Variants in TAFA2 observed in about 807,000 individuals in gnomAD.
The protein encoded by TAFA2 is chemokine-like protein TAFA-2.
TAFA2 carries 7 observed loss-of-function variants against 18.8 expected under a neutral mutation model. The observed-to-expected ratio is 0.37, with a 90% CI of 0.21 to 0.70. The LOEUF (loss-of-function observed/expected upper bound fraction) is 0.70, where lower values mean the gene tolerates loss of function less well. Ranked by LOEUF, TAFA2 falls within the 30% of genes least tolerant of loss-of-function variation. The pLI is 0.53. For missense variants in TAFA2, 122 were observed against 158.1 expected (o/e 0.77, Z 1.23); for synonymous variants, 60 against 54.2 (o/e 1.11, Z -0.47).
chr12:61,901,547 A>T (rs1876101275), intron 1 of TAFA2, among the ~76,000 whole-genome samples: 1 of 152,134 alleles, frequency 6.6e-6, no homozygotes, highest in South Asian at 2.1e-4. Context: ...AATATATGGT[A>T]CTTCTATAAC....
At chr12:62,022,003 A>G (rs1881157588) in intron 1 of TAFA2, 1 of 665,858 alleles carries the variant, frequency 1.5e-6, no homozygotes, top group South Asian at 1.4e-5. Context: ...TGCCTGGGCA[A>G]TGGCACAGAC....
In TAFA2 at chr12:62,246,295, T is replaced by C. The variant is rs1592418520; in HGVS notation, c.-130+12468A>G. 2.0e-5 allele frequency among the ~76,000 whole-genome samples: 3 copies of C among 152,234 alleles called. No individual in the cohort carries two copies. In the East Asian group the frequency reaches 5.8e-4, roughly 29 times the overall value. On this transcript the variant is annotated intron_variant, in intron 1 of 5. Coordinates refer to the TAFA2 transcript ENST00000551619. ...GCCACCGTGCCCGGCCCACTTTTATTGTTATTCCTTTCTATATGCTATGTA... is the reference window on the plus strand; with the variant it reads ...GCCACCGTGCCCGGCCCACTTTTATCGTTATTCCTTTCTATATGCTATGTA...
At chr12:61,909,517 A>G (rs907664673) in intron 1 of TAFA2, among the ~76,000 whole-genome samples, 5 of 152,178 alleles carry the variant, frequency 3.3e-5, no homozygotes, top group South Asian at 2.1e-4. Flanking sequence ...AGAGATGCCA[A>G]TATTTAAGGA....
chr12:62,219,054 T>C (rs2062749544), intron 1 of TAFA2, among the ~76,000 whole-genome samples: 1 of 152,056 alleles, frequency 6.6e-6, no homozygotes, highest in South Asian at 2.1e-4. Context: ...ATGAATAACA[T>C]ACCAGGGAGA....
At chr12:61,998,593 G>C (rs1021608187) in intron 1 of TAFA2, among the ~76,000 whole-genome samples, 9 of 152,090 alleles carry the variant, frequency 5.9e-5, no homozygotes, top group African/African-American at 2.2e-4. Flanking sequence ...TTACAGATGG[G>C]GAAACTGAAG....
intron 1 of TAFA2, among the ~76,000 whole-genome samples, chr12:61,872,760 T>C (rs1874672816): frequency 2.0e-5 from 3 of 152,126 alleles, no homozygotes; most frequent in African/African-American, 7.2e-5. Flanking sequence ...ATGAAGGTTC[T>C]CCCACCTGTC....
chr12:61,892,666 G>A (rs1356445535), intron 1 of TAFA2, among the ~76,000 whole-genome samples: 2 of 152,028 alleles, frequency 1.3e-5, no homozygotes, highest in South Asian at 2.1e-4. Flanking sequence ...GAAAAACTCC[G>A]TCTCTACTAA....
intron 2 of TAFA2, among the ~76,000 whole-genome samples, chr12:61,822,524 A>G (rs1872361880): frequency 6.6e-6 from 1 of 152,162 alleles, no homozygotes; most frequent in East Asian, 1.9e-4. Context: ...CCAAACTAAG[A>G]AAACAGTAAG....
intron 2 of TAFA2, among the ~76,000 whole-genome samples, chr12:61,808,365 A>G (rs1252378885): frequency 6.6e-6 from 1 of 151,506 alleles, no homozygotes; most frequent in African/African-American, 2.5e-5. Flanking sequence ...TGTAAGTCCA[A>G]TAAACCTTTT....
At chr12:61,826,980 A>T (rs1228466505) in intron 2 of TAFA2, among the ~76,000 whole-genome samples, 1 of 152,094 alleles carries the variant, frequency 6.6e-6, no homozygotes, top group Non-Finnish European at 1.5e-5. Flanking sequence ...TCTACTATGC[A>T]TGCCCTCCTT....
At chr12:62,245,109 TA>T (rs1326919119) in intron 1 of TAFA2, among the ~76,000 whole-genome samples, 5 of 152,266 alleles carry the variant, frequency 3.3e-5, no homozygotes, top group African/African-American at 2.4e-5. Context: ...TGTATAAAAA[TA>T]TTTTTTTTCT....
chr12:61,912,296 T>C (rs962605520), intron 1 of TAFA2, among the ~76,000 whole-genome samples: 5 of 152,206 alleles, frequency 3.3e-5, no homozygotes, highest in Non-Finnish European at 7.4e-5. Context: ...ATTTGTGCTG[T>C]TCAATGTGGT....
At chr12:61,765,087 G>C (rs1407460451) in intron 2 of TAFA2, among the ~76,000 whole-genome samples, 2 of 152,052 alleles carry the variant, frequency 1.3e-5, no homozygotes, top group African/African-American at 4.8e-5. Flanking sequence ...TCACAGCTAG[G>C]CTATTTTCCA....
intron 2 of TAFA2, among the ~76,000 whole-genome samples, chr12:61,778,691 G>T (rs1252677029): frequency 6.6e-6 from 1 of 151,904 alleles, no homozygotes; most frequent in African/African-American, 2.4e-5. Context: ...ATGAAGTTAT[G>T]TCGACCTGGG....
chr12:62,100,883 C>T (rs920830028), intron 1 of TAFA2, among the ~76,000 whole-genome samples: 2 of 152,068 alleles, frequency 1.3e-5, no homozygotes, highest in Admixed American at 6.6e-5. Context: ...ATTCCCATGG[C>T]ACAGAAATTG....
At chr12:62,041,761 A>C (rs772554916) in intron 1 of TAFA2, among the ~76,000 whole-genome samples, 25 of 152,174 alleles carry the variant, frequency 1.6e-4, no homozygotes, top group Non-Finnish European at 3.5e-4. Context: ...TGCTTTTATT[A>C]ACATCATGTT....
intron 1 of TAFA2, among the ~76,000 whole-genome samples, chr12:62,044,484 A>G (rs1332928382): frequency 6.6e-6 from 1 of 152,156 alleles, no homozygotes; most frequent in Non-Finnish European, 1.5e-5. Flanking sequence ...TCCCACAAGT[A>G]AAGAAAGCCC....
intron 1 of TAFA2, among the ~76,000 whole-genome samples, chr12:61,908,747 G>A (rs1876476048): frequency 1.3e-5 from 2 of 152,120 alleles, no homozygotes; most frequent in Non-Finnish European, 2.9e-5. Flanking sequence ...CCTATTCGGA[G>A]TAAATTTAGG....
chr12:62,095,349 G>A (rs1263336342), intron 1 of TAFA2, among the ~76,000 whole-genome samples: 6 of 152,052 alleles, frequency 3.9e-5, no homozygotes, highest in East Asian at 3.9e-4. Context: ...AAATAAATAC[G>A]TGAGTGTTAT....
Sources: allele counts gnomAD v4.1 joint callset (sites outside exome capture counted in the v4.1 genomes callset), GRCh38; gene constraint gnomAD v4.1.1; transcripts MANE v1.5; gene names NCBI Gene and HGNC (gene_info 2026-07-23, HGNC 2026-07-21).